GRID2: variants seen among roughly 807,000 people sequenced by gnomAD.
GRID2 encodes the protein glutamate receptor ionotropic, delta-2.
In GRID2, 33 loss-of-function variants were observed where a neutral mutation model predicts 114.8. The ratio of observed to expected loss-of-function variants is 0.29; its 90% CI spans 0.22 to 0.38. The LOEUF (loss-of-function observed/expected upper bound fraction) is 0.38. GRID2 is among the 10% of genes least tolerant of loss of function. The pLI is 1.00. For missense variants in GRID2, 1,184 were observed against 1,257.7 expected, an observed-to-expected ratio of 0.94 and a Z score of 0.89; for synonymous variants, 505 against 449.9, an observed-to-expected ratio of 1.12 and a Z score of -1.55.
intron 14 of GRID2, among the ~76,000 whole-genome samples, chr4:93,675,828 C>T (rs1245303630): frequency 6.6e-6 from 1 of 152,110 alleles, no homozygotes; most frequent in Non-Finnish European, 1.5e-5. Flanking sequence ...GGTTAAATTG[C>T]AAAGTAAAAG....
intron 1 of GRID2, among the ~76,000 whole-genome samples, chr4:92,536,355 T>C (rs1005287671): frequency 6.6e-6 from 1 of 151,884 alleles, no homozygotes; most frequent in Non-Finnish European, 1.5e-5. Flanking sequence ...GCATTTACAG[T>C]CCTTTAGCTA....
chr4:93,521,181 A>C (rs2149498492), intron 13 of GRID2, among the ~76,000 whole-genome samples: 1 of 152,232 alleles, frequency 6.6e-6, no homozygotes, highest in African/African-American at 2.4e-5. Context: ...GATTGAGAAA[A>C]CCATGACAAG....
chr4:92,673,845 G>A (rs1161076389), intron 2 of GRID2, among the ~76,000 whole-genome samples: 1 of 152,018 alleles, frequency 6.6e-6, no homozygotes, highest in Non-Finnish European at 1.5e-5. Context: ...GAAGGGGGGA[G>A]GGATAGCATT....
At chr4:93,746,036 G>C (rs1347697941) in intron 14 of GRID2, among the ~76,000 whole-genome samples, 2 of 152,098 alleles carry the variant, frequency 1.3e-5, no homozygotes, top group African/African-American at 2.4e-5. Flanking sequence ...GTAACCATGA[G>C]CAACAGGTAT....
intron 9 of GRID2, among the ~76,000 whole-genome samples, chr4:93,412,189 C>G (rs972909183): frequency 1.3e-5 from 2 of 150,784 alleles, no homozygotes; most frequent in African/African-American, 4.9e-5. Context: ...CACTTGAGGT[C>G]AAGACTTTGA....
intron 8 of GRID2, among the ~76,000 whole-genome samples, chr4:93,309,318 T>C (rs1159916581): frequency 6.6e-6 from 1 of 152,190 alleles, no homozygotes; most frequent in Non-Finnish European, 1.5e-5. Context: ...GTGGATCACT[T>C]GAGGCTAAGA....
At chr4:92,703,227 T>C (rs1350192906) in intron 2 of GRID2, among the ~76,000 whole-genome samples, 3 of 152,184 alleles carry the variant, frequency 2.0e-5, no homozygotes, top group Admixed American at 2.0e-4. Context: ...GAAAGACATA[T>C]ATCTATTTTG....
At chr4:92,792,456 A>AACACACACACACACACAC (rs35204445) in intron 2 of GRID2, among the ~76,000 whole-genome samples, 67 of 136,172 alleles carry the variant, frequency 4.9e-4, no homozygotes, top group African/African-American at 1.8e-3. Flanking sequence ...CAGGCAAGAG[A>AACACACACACACACACAC]ACACACACAC....
At chr4:93,458,732 C>A (rs1018814465) in intron 11 of GRID2, among the ~76,000 whole-genome samples, 1 of 152,018 alleles carries the variant, frequency 6.6e-6, no homozygotes, top group Non-Finnish European at 1.5e-5. Flanking sequence ...ATGAATTAGA[C>A]TCAGCGGCAG....
intron 13 of GRID2, among the ~76,000 whole-genome samples, chr4:93,617,565 A>G (rs894011890): frequency 6.6e-6 from 1 of 152,214 alleles, no homozygotes. Flanking sequence ...GTAATAAGAT[A>G]ACATTGTCAT....
intron 4 of GRID2, among the ~76,000 whole-genome samples, chr4:93,199,562 AT>A (rs1422764963): frequency 2.0e-5 from 3 of 152,174 alleles, no homozygotes; most frequent in African/African-American, 7.2e-5. Flanking sequence ...TGGCAAGAGG[AT>A]TTGGATGAAA....
chr4:93,169,390 TATG>T (rs1738581446), intron 4 of GRID2, among the ~76,000 whole-genome samples: 2 of 152,136 alleles, frequency 1.3e-5, no homozygotes, highest in African/African-American at 4.8e-5. Flanking sequence ...GTCTCGAAAA[TATG>T]ATATTCACAG....
intron 12 of GRID2, among the ~76,000 whole-genome samples, chr4:93,493,747 C>A (rs949823868): frequency 5.3e-5 from 8 of 151,720 alleles, no homozygotes; most frequent in Non-Finnish European, 8.8e-5. Context: ...ATAGGTTTAT[C>A]TAAAAGTAAA....
chr4:93,403,145 TTAATAAA>T (rs1407652650), intron 9 of GRID2, among the ~76,000 whole-genome samples: 1 of 151,898 alleles, frequency 6.6e-6, no homozygotes, highest in Non-Finnish European at 1.5e-5. Flanking sequence ...TTCGGAGGAG[TTAATAAA>T]TAATAAAGTT....
chr4:93,222,659 C>T (rs1199620434), intron 6 of GRID2, among the ~76,000 whole-genome samples: 1 of 151,942 alleles, frequency 6.6e-6, no homozygotes, highest in Non-Finnish European at 1.5e-5. Flanking sequence ...TGTTCCCCAT[C>T]CTGTGTCCAG....
chr4:92,666,384 A>T (rs1250182333), intron 2 of GRID2, among the ~76,000 whole-genome samples: 3 of 151,442 alleles, frequency 2.0e-5, no homozygotes, highest in Non-Finnish European at 4.4e-5. Flanking sequence ...TTTCTAGTAG[A>T]TCTACTATCA....
intron 2 of GRID2, among the ~76,000 whole-genome samples, chr4:93,002,405 G>C (rs1328424601): frequency 6.6e-6 from 1 of 151,174 alleles, no homozygotes; most frequent in Non-Finnish European, 1.5e-5. Context: ...GTTTACCGTA[G>C]CCAAAAAAAA....
intron 6 of GRID2, among the ~76,000 whole-genome samples, chr4:93,220,237 T>TA (rs1744716067): frequency 6.6e-6 from 1 of 151,602 alleles, no homozygotes. Context: ...TAAGCCTTTA[T>TA]TTATATATAT....
At position 92,764,935 on chromosome 4, in the gene GRID2, T is replaced by C. The variant is rs528048172; in HGVS notation, c.244+174649T>C. ...CATTAAAATAAACACATCAAATCTATTAAATATTTTTCATAATATATGTTG... is the reference window on the plus strand; with the variant it reads ...CATTAAAATAAACACATCAAATCTACTAAATATTTTTCATAATATATGTTG... On this transcript the variant is annotated intron_variant, in intron 2 of 15. Transcript: ENST00000282020. 7.0e-4 allele frequency among the ~76,000 whole-genome samples: 107 copies of C among 152,308 alleles called. 1 individual carries two copies. Among genetic ancestry groups the C allele is most frequent in the African/African-American group, 2.5e-3 (105 of 41,572 alleles).
Sources: gnomAD v4.1 joint callset for allele counts (sites outside exome capture counted in the v4.1 genomes callset) on GRCh38, gnomAD v4.1.1 for gene constraint, MANE v1.5 for transcripts, NCBI Gene and HGNC (gene_info 2026-07-23, HGNC 2026-07-21) for gene names.